The following THSD7B variants were observed in gnomAD, a reference collection of about 807,000 sequenced individuals.
THSD7B encodes the protein thrombospondin type-1 domain-containing protein 7B.
In THSD7B, 138 loss-of-function variants were observed where a neutral mutation model predicts 213.6. That is an observed-to-expected ratio of 0.65 (90% CI 0.56 to 0.74). The LOEUF (loss-of-function observed/expected upper bound fraction) is 0.74, where lower values mean the gene tolerates loss of function less well. Ranked by LOEUF, THSD7B falls within the 30% of genes least tolerant of loss-of-function variation. The pLI, the probability that THSD7B is intolerant of heterozygous loss-of-function variation, is 0.00. For missense variants in THSD7B, 1,931 were observed against 1,991.5 expected (o/e 0.97, Z 0.58); for synonymous variants, 742 against 687.0 (o/e 1.08, Z -1.25).
intron 12 of THSD7B, among the ~76,000 whole-genome samples, chr2:137,364,165 G>A (rs1685344628): frequency 6.6e-6 from 1 of 152,190 alleles, no homozygotes. Flanking sequence ...AAAAGATGCA[G>A]CAAAGGCCTT....
chr2:137,126,258 A>G (rs1338526755), intron 5 of THSD7B, among the ~76,000 whole-genome samples: 1 of 152,130 alleles, frequency 6.6e-6, no homozygotes, highest in African/African-American at 2.4e-5. Flanking sequence ...CTTCCAATAT[A>G]AGGCTGTTTC....
intron 2 of THSD7B, among the ~76,000 whole-genome samples, chr2:136,911,243 A>G (rs1684252308): frequency 6.6e-6 from 1 of 152,194 alleles, no homozygotes; most frequent in Admixed American, 6.5e-5. Flanking sequence ...AACCACTGAG[A>G]ACATTTGGAG....
At chr2:137,085,005 G>A (rs969382193) in intron 3 of THSD7B, among the ~76,000 whole-genome samples, 3 of 152,174 alleles carry the variant, frequency 2.0e-5, no homozygotes, top group Non-Finnish European at 4.4e-5. Flanking sequence ...TGAAAATGCA[G>A]GGTAAAAGTA....
intron 2 of THSD7B, among the ~76,000 whole-genome samples, chr2:136,965,319 TAAAC>T (rs1405880838): frequency 1.3e-5 from 2 of 152,116 alleles, no homozygotes; most frequent in South Asian, 2.1e-4. Flanking sequence ...AGACAGATAA[TAAAC>T]AAATAACACA....
At chr2:137,196,603 CA>C (rs1304626324) in intron 7 of THSD7B, among the ~76,000 whole-genome samples, 8 of 151,980 alleles carry the variant, frequency 5.3e-5, no homozygotes, top group Non-Finnish European at 8.8e-5. Context: ...ATGGTGATGC[CA>C]AACAACCACA....
At chr2:137,307,976 G>A (rs1683796885) in intron 12 of THSD7B, among the ~76,000 whole-genome samples, 2 of 152,006 alleles carry the variant, frequency 1.3e-5, no homozygotes, top group Non-Finnish European at 2.9e-5. Context: ...GAGGGAGGCA[G>A]GGGTGCAAAT....
chr2:137,668,858 A>T (rs1683503589), intron 27 of THSD7B, among the ~76,000 whole-genome samples: 3 of 152,202 alleles, frequency 2.0e-5, no homozygotes, highest in African/African-American at 7.2e-5. Flanking sequence ...ATTATCATGA[A>T]GGTCTTCATC....
At chr2:137,044,566 G>T (rs1478148654) in intron 2 of THSD7B, among the ~76,000 whole-genome samples, 1 of 151,968 alleles carries the variant, frequency 6.6e-6, no homozygotes, top group Non-Finnish European at 1.5e-5. Context: ...TGCATATTAT[G>T]TTTTTTCCTA....
intron 2 of THSD7B, among the ~76,000 whole-genome samples, chr2:136,929,486 A>G (rs1684594301): frequency 6.6e-6 from 1 of 152,156 alleles, no homozygotes; most frequent in African/African-American, 2.4e-5. Context: ...ATGTCATCTT[A>G]GTAGGTTTTA....
intron 10 of THSD7B, among the ~76,000 whole-genome samples, chr2:137,261,764 T>G (rs1292576574): frequency 6.6e-6 from 1 of 152,168 alleles, no homozygotes; most frequent in Non-Finnish European, 1.5e-5. Flanking sequence ...AGAGTTATTT[T>G]CCTTTAGTCA....
intron 4 of THSD7B, among the ~76,000 whole-genome samples, chr2:137,109,150 G>A (rs950503708): frequency 7.2e-5 from 11 of 152,130 alleles, no homozygotes; most frequent in Admixed American, 5.9e-4. Context: ...GACTGGCAAA[G>A]ACCTTTAAAT....
chr2:136,800,884 CT>C (rs1043019484), intron 1 of THSD7B, among the ~76,000 whole-genome samples: 2 of 151,818 alleles, frequency 1.3e-5, no homozygotes, highest in Non-Finnish European at 2.9e-5. Flanking sequence ...GACTTACTTT[CT>C]TTTTTTATTG....
intron 15 of THSD7B, among the ~76,000 whole-genome samples, chr2:137,546,376 A>AT (rs1374609313): frequency 4.5e-5 from 2 of 44,366 alleles, no homozygotes; most frequent in African/African-American, 1.1e-4. Context: ...ATATATATAT[A>AT]ATATATATAT....
intron 1 of THSD7B, among the ~76,000 whole-genome samples, chr2:136,797,852 C>T (rs1682102155): frequency 6.6e-6 from 1 of 151,936 alleles, no homozygotes. Context: ...AACATCAAAA[C>T]TTGTATATGA....
chr2:137,545,665 A>G (rs747837731), intron 15 of THSD7B, among the ~76,000 whole-genome samples: 5 of 151,700 alleles, frequency 3.3e-5, no homozygotes, highest in Non-Finnish European at 2.9e-5. Flanking sequence ...ATTTTAACAG[A>G]CTCCTCCAAT....
intron 5 of THSD7B, among the ~76,000 whole-genome samples, chr2:137,123,558 C>T (rs1371746848): frequency 6.6e-6 from 1 of 152,104 alleles, no homozygotes; most frequent in Non-Finnish European, 1.5e-5. Flanking sequence ...TGGCCTGGAA[C>T]CTCCTGAGTA....
At chr2:137,506,804 G>A (rs985042995) in intron 15 of THSD7B, among the ~76,000 whole-genome samples, 18 of 152,192 alleles carry the variant, frequency 1.2e-4, no homozygotes, top group African/African-American at 4.3e-4. Context: ...GCTACTGCAA[G>A]ATGACCCAGC....
chr2:137,529,540 T>C (rs2105177530), intron 15 of THSD7B, among the ~76,000 whole-genome samples: 1 of 151,360 alleles, frequency 6.6e-6, no homozygotes, highest in South Asian at 2.1e-4. Context: ...GCAAATATCG[T>C]GTAGAATGTT....
chr2:137,599,048 C>A (rs1284974991), intron 17 of THSD7B, among the ~76,000 whole-genome samples: 1 of 131,660 alleles, frequency 7.6e-6, no homozygotes, highest in African/African-American at 2.8e-5. Flanking sequence ...CCCACCCCAC[C>A]ACAGTCCCCA....
Sources: allele counts gnomAD v4.1 joint callset (sites outside exome capture counted in the v4.1 genomes callset), GRCh38; gene constraint gnomAD v4.1.1; transcripts MANE v1.5; gene names NCBI Gene and HGNC (gene_info 2026-07-23, HGNC 2026-07-21).